Variants in FLT1 observed in about 807,000 individuals in gnomAD.
FLT1 encodes vascular endothelial growth factor receptor 1.
A neutral mutation model predicts 156.3 loss-of-function variants in FLT1; 49 were observed. That is an observed-to-expected ratio of 0.31 (90% confidence interval 0.25 to 0.40). The LOEUF is 0.40. Ranked by LOEUF, FLT1 falls within the 10% of genes least tolerant of loss-of-function variation. FLT1 has a pLI of 1.00. For missense variants in FLT1, 1,322 were observed against 1,637.2 expected, an observed-to-expected ratio of 0.81 and a Z score of 3.32; for synonymous variants, 594 against 583.8, an observed-to-expected ratio of 1.02 and a Z score of -0.25.
intron 3 of FLT1, among the ~76,000 whole-genome samples, chr13:28,447,044 A>G (rs747037232): frequency 1.3e-5 from 2 of 151,974 alleles, no homozygotes; most frequent in Non-Finnish European, 2.9e-5. Context: ...TCTTTTCAAC[A>G]AATGGTGCTG....
At chr13:28,371,137 CCTT>C (rs1873545301) in intron 14 of FLT1, among the ~76,000 whole-genome samples, 1 of 152,048 alleles carries the variant, frequency 6.6e-6, no homozygotes, top group Admixed American at 6.6e-5. Flanking sequence ...TATGGTGTGA[CCTT>C]AACTCAAATT....
intron 3 of FLT1, among the ~76,000 whole-genome samples, chr13:28,462,629 T>C (rs1352378036): frequency 6.6e-6 from 1 of 152,230 alleles, no homozygotes; most frequent in East Asian, 1.9e-4. Context: ...AGAATGATGA[T>C]AATGATGGTG....
chr13:28,349,119 G>A (rs977831636), intron 15 of FLT1, among the ~76,000 whole-genome samples: 5 of 152,192 alleles, frequency 3.3e-5, no homozygotes, highest in Admixed American at 2.0e-4. Context: ...GCAGCAGAAC[G>A]TAGGGCTATG....
chr13:28,396,865 A>G (rs759793121), intron 12 of FLT1, 95 bp downstream of exon 12: 40 of 787,694 alleles, frequency 5.1e-5, no homozygotes, highest in Non-Finnish European at 8.1e-5. Context: ...GAATTAAAAA[A>G]AAATCACTCA....
rs1224872384 is a variant in FLT1 at position 28,303,093 on chromosome 13, A to T, written c.*74T>A. On this transcript the variant is annotated 3_prime_UTR_variant, in exon 30 of 30. Transcript: ENST00000282397. The stretch of plus-strand genomic sequence containing the variant: ...TAAAGGTGTAAACTTATATATGCAT[A>T]ATACTGGCAAAAGCTAGTTTCCTGG... 1.4e-6 allele frequency: 2 copies of T among 1,379,506 alleles called. No homozygotes were observed. Among genetic ancestry groups the T allele is most frequent in the East Asian group, 4.6e-5 (2 of 43,776 alleles). 85.5% of individuals were successfully genotyped at this position (1,379,506 alleles called of 1,614,324 possible). A position where few individuals can be genotyped will look rare whatever the true frequency, so the allele number is the denominator to read the frequency against.
intron 16 of FLT1, among the ~76,000 whole-genome samples, 168 bp downstream of exon 16, chr13:28,345,277 G>A (rs1593697161): frequency 6.6e-6 from 1 of 152,074 alleles, no homozygotes; most frequent in African/African-American, 2.4e-5. Context: ...CTTGTGGCTA[G>A]AGACATTTTG....
chr13:28,406,854 A>G (rs1360659674), intron 10 of FLT1, among the ~76,000 whole-genome samples: 1 of 152,150 alleles, frequency 6.6e-6, no homozygotes, highest in African/African-American at 2.4e-5. Context: ...CAAGAGCAGG[A>G]ATGACTTATG....
intron 15 of FLT1, among the ~76,000 whole-genome samples, chr13:28,346,976 G>T: frequency 6.6e-6 from 1 of 152,106 alleles, no homozygotes; most frequent in East Asian, 1.9e-4. Flanking sequence ...GTTAGGGGCC[G>T]GAGGAGATAG....
At chr13:28,403,310 G>A (rs973782869) in intron 11 of FLT1, among the ~76,000 whole-genome samples, 3 of 152,142 alleles carry the variant, frequency 2.0e-5, no homozygotes, top group African/African-American at 4.8e-5. Context: ...AATCTTCTGC[G>A]TAACTGTAAA....
At chr13:28,451,130 A>G (rs990491575) in intron 3 of FLT1, among the ~76,000 whole-genome samples, 32 of 152,188 alleles carry the variant, frequency 2.1e-4, no homozygotes, top group African/African-American at 6.8e-4. Flanking sequence ...ACAACCTCAG[A>G]ACCAACAGTT....
intron 11 of FLT1, among the ~76,000 whole-genome samples, chr13:28,404,043 C>A (rs146936823): frequency 1.5e-3 from 204 of 139,576 alleles, no homozygotes; most frequent in Middle Eastern, 0.011. Flanking sequence ...CTCTTTGTCT[C>A]AAAAAAAAAA....
chr13:28,447,286 C>T (rs924817113), intron 3 of FLT1, among the ~76,000 whole-genome samples: 21 of 151,612 alleles, frequency 1.4e-4, no homozygotes, highest in Non-Finnish European at 2.1e-4. Context: ...GCAAGTGATG[C>T]CCCCACCTCA....
chr13:28,415,235 T>A (rs1483576002), intron 10 of FLT1, among the ~76,000 whole-genome samples: 1 of 152,094 alleles, frequency 6.6e-6, no homozygotes, highest in African/African-American at 2.4e-5. Flanking sequence ...ATCCCAGCAC[T>A]TTGGGAGGCC....
chr13:28,370,252 G>A (rs1312221792), intron 14 of FLT1, among the ~76,000 whole-genome samples: 1 of 151,858 alleles, frequency 6.6e-6, no homozygotes, highest in Non-Finnish European at 1.5e-5. Context: ...AAACACCATA[G>A]ACAAAGGTCC....
chr13:28,330,709 TA>T (rs1871895331), intron 18 of FLT1, among the ~76,000 whole-genome samples: 1 of 151,226 alleles, frequency 6.6e-6, no homozygotes, highest in Non-Finnish European at 1.5e-5. Flanking sequence ...TATTTCTTTT[TA>T]TTTTTTATTT....
At chr13:28,416,171 C>T (rs1876636796) in intron 10 of FLT1, among the ~76,000 whole-genome samples, 1 of 152,162 alleles carries the variant, frequency 6.6e-6, no homozygotes. Flanking sequence ...GATGAGGAAA[C>T]CCAGACTCAG....
At chr13:28,454,763 C>T (rs533470103) in intron 3 of FLT1, among the ~76,000 whole-genome samples, 2 of 152,192 alleles carry the variant, frequency 1.3e-5, no homozygotes, top group Non-Finnish European at 2.9e-5. Flanking sequence ...AAAGAATCAA[C>T]AAAAATACCC....
intron 12 of FLT1, among the ~76,000 whole-genome samples, chr13:28,394,480 T>A (rs1198530658): frequency 6.6e-6 from 1 of 152,132 alleles, no homozygotes; most frequent in African/African-American, 2.4e-5. Flanking sequence ...CTTTATCAAC[T>A]TGGGCCCTTT....
At chr13:28,336,742 CTTTTTTT>C (rs548520953) in intron 17 of FLT1, among the ~76,000 whole-genome samples, 27 of 130,212 alleles carry the variant, frequency 2.1e-4, no homozygotes, top group South Asian at 4.9e-4. Flanking sequence ...ATTATTCTAA[CTTTTTTT>C]TTTTTTTTTT....
Sources: gnomAD v4.1 joint callset for allele counts (sites outside exome capture counted in the v4.1 genomes callset) on GRCh38, gnomAD v4.1.1 for gene constraint, MANE v1.5 for transcripts, NCBI Gene and HGNC (gene_info 2026-07-23, HGNC 2026-07-21) for gene names.